Variants in ACER3 observed in about 807,000 individuals in gnomAD.
ACER3 encodes the protein alkaline ceramidase 3, also known as alkCDase 3.
In ACER3, 16 loss-of-function variants were observed where a neutral mutation model predicts 48.9. The observed-to-expected ratio is 0.33, with a 90% confidence interval of 0.22 to 0.50. ACER3 has a LOEUF of 0.50. Ranked by LOEUF, ACER3 falls within the 20% of genes least tolerant of loss-of-function variation. The probability of loss-of-function intolerance (pLI) is 0.98; values close to 1 mark genes in which losing one functional copy is unlikely to be tolerated. For missense variants in ACER3, 227 were observed against 326.0 expected (o/e 0.70, Z 2.34); for synonymous variants, 109 against 107.8 (o/e 1.01, Z -0.07).
intron 2 of ACER3, among the ~76,000 whole-genome samples, chr11:76,931,944 T>G (rs1947009782): frequency 7.6e-6 from 1 of 132,086 alleles, no homozygotes; most frequent in Admixed American, 7.5e-5. Flanking sequence ...ATTATGTGTT[T>G]TGGAGTTGCT....
At chr11:76,974,598 C>T (rs1230083970) in intron 3 of ACER3, among the ~76,000 whole-genome samples, 1 of 151,986 alleles carries the variant, frequency 6.6e-6, no homozygotes, top group African/African-American at 2.4e-5. Flanking sequence ...GAAAAATATC[C>T]AGAAGTGATT....
At chr11:77,016,050 T>C (rs534164902) in intron 8 of ACER3, among the ~76,000 whole-genome samples, 9 of 144,864 alleles carry the variant, frequency 6.2e-5, no homozygotes, top group African/African-American at 2.6e-5. Flanking sequence ...GAGGTTGCAG[T>C]GAGCCGAGAT....
intron 2 of ACER3, among the ~76,000 whole-genome samples, chr11:76,937,962 C>G (rs1477124845): frequency 6.6e-6 from 1 of 152,122 alleles, no homozygotes; most frequent in Non-Finnish European, 1.5e-5. Flanking sequence ...TATAGCAATT[C>G]TGAAGCTGTC....
At chr11:76,964,569 G>A (rs892814304) in intron 3 of ACER3, among the ~76,000 whole-genome samples, 2 of 151,292 alleles carry the variant, frequency 1.3e-5, no homozygotes, top group African/African-American at 4.9e-5. Flanking sequence ...CCCCCAGTAG[G>A]GGTGGACTGA....
chr11:76,954,672 C>T lies in ACER3; in HGVS notation c.215-4307C>T, dbSNP rs1947789441. Among the ~76,000 whole-genome samples the T allele has an allele frequency of 2.0e-5, 3 of 151,160 alleles. No individual in the cohort carries two copies. The South Asian group carries it at 6.3e-4, about 32-fold the overall frequency. Reference sequence around the variant, plus strand: ...CTGGAGTGCAGTGGCACAATCATGGCTTACTGCAGCTTCAACCTCCCAGGC... The same window carrying T: ...CTGGAGTGCAGTGGCACAATCATGGTTTACTGCAGCTTCAACCTCCCAGGC... On this transcript the variant is annotated intron_variant, in intron 2 of 10. Transcript: ENST00000532485.
chr11:77,015,722 G>A (rs929727607), intron 8 of ACER3, among the ~76,000 whole-genome samples: 7 of 152,100 alleles, frequency 4.6e-5, no homozygotes, highest in Non-Finnish European at 7.4e-5. Context: ...GAAGAGAGGA[G>A]GGTACTGAAC....
At chr11:76,999,961 C>T (rs1017513679) in intron 7 of ACER3, among the ~76,000 whole-genome samples, 4 of 152,052 alleles carry the variant, frequency 2.6e-5, no homozygotes, top group Non-Finnish European at 5.9e-5. Context: ...TTCACTTCTC[C>T]GGAATAAATG....
chr11:76,960,339 G>A (rs1292492451), intron 3 of ACER3, among the ~76,000 whole-genome samples: 1 of 151,958 alleles, frequency 6.6e-6, no homozygotes, highest in East Asian at 1.9e-4. Flanking sequence ...AGCCTGGGAG[G>A]CGGAGATCGC....
chr11:76,981,913 A>G (rs1948592198), intron 4 of ACER3, among the ~76,000 whole-genome samples: 1 of 152,162 alleles, frequency 6.6e-6, no homozygotes, highest in African/African-American at 2.4e-5. Flanking sequence ...TGGAATTTCT[A>G]TGTTGTATGG....
chr11:76,861,818 C>G (rs531048671), intron 1 of ACER3, among the ~76,000 whole-genome samples: 2 of 152,194 alleles, frequency 1.3e-5, no homozygotes, highest in Non-Finnish European at 1.5e-5. Context: ...ATCCAACTAT[C>G]TAGGAGTTAG....
intron 2 of ACER3, among the ~76,000 whole-genome samples, chr11:76,934,009 G>A (rs987535422): frequency 3.7e-4 from 56 of 151,754 alleles, no homozygotes; most frequent in Non-Finnish European, 6.5e-4. Context: ...CATCCCAGAC[G>A]GGGCGGCGGG....
chr11:77,019,868 G>A (rs2135340133), intron 10 of ACER3, 92 bp downstream of exon 10: 2 of 1,337,072 alleles, frequency 1.5e-6, no homozygotes, highest in Non-Finnish European at 2.1e-6. Flanking sequence ...AGTTTGGAGA[G>A]GTAGTGGAGC....
chr11:76,865,593 C>T (rs948391016), intron 1 of ACER3, among the ~76,000 whole-genome samples: 1 of 150,520 alleles, frequency 6.6e-6, no homozygotes, highest in African/African-American at 2.4e-5. Flanking sequence ...ACTGCAACCT[C>T]CAGCTCCTGG....
chr11:76,868,576 C>T (rs1403331974), intron 1 of ACER3, among the ~76,000 whole-genome samples: 2 of 152,104 alleles, frequency 1.3e-5, no homozygotes, highest in African/African-American at 4.8e-5. Flanking sequence ...CTTTCACCTA[C>T]CCAAGGCAGG....
chr11:76,897,553 A>G (rs1945964125), intron 1 of ACER3, among the ~76,000 whole-genome samples: 1 of 152,220 alleles, frequency 6.6e-6, no homozygotes, highest in South Asian at 2.1e-4. Context: ...ATATTAAAAA[A>G]AAACACGTGT....
chr11:76,980,448 A>G (rs769534422), intron 4 of ACER3, among the ~76,000 whole-genome samples: 17 of 151,706 alleles, frequency 1.1e-4, no homozygotes, highest in Admixed American at 2.0e-4. Context: ...AGGCCAAGGC[A>G]GGAGTATTAC....
In ACER3 at chr11:76,874,866, G is replaced by A. The variant is rs1488048442; in HGVS notation, c.103+13787G>A. ...GTTTTTAAATTCAGGATTTTTAGAT[G>A]TTTTCTGTGGGAGGTTCAATTAGAT... On this transcript the variant is annotated intron_variant, in intron 1 of 10. Coordinates refer to ENST00000532485, the MANE Select transcript of ACER3 (RefSeq NM_018367.7). 3.3e-5 allele frequency among the ~76,000 whole-genome samples: 5 copies of A among 151,958 alleles called. No homozygotes were observed. In the East Asian group the frequency reaches 9.6e-4, roughly 29 times the overall value.
chr11:76,871,058 GAGGGATTAA>G (rs1214906719), intron 1 of ACER3, among the ~76,000 whole-genome samples: 27 of 152,192 alleles, frequency 1.8e-4, no homozygotes, highest in Non-Finnish European at 3.4e-4. Context: ...TTAGGGCAGA[GAGGGATTAA>G]ATAATTTGTC....
At chr11:77,013,294 A>T (rs1443073082) in intron 7 of ACER3, among the ~76,000 whole-genome samples, 1 of 152,196 alleles carries the variant, frequency 6.6e-6, no homozygotes, top group Admixed American at 6.5e-5. Context: ...TTTGTTCTTC[A>T]AAATATAGTA....
Sources: gnomAD v4.1 joint callset for allele counts (sites outside exome capture counted in the v4.1 genomes callset) on GRCh38, gnomAD v4.1.1 for gene constraint, MANE v1.5 for transcripts, NCBI Gene and HGNC (gene_info 2026-07-23, HGNC 2026-07-21) for gene names.